SAMTOR: variants seen among roughly 807,000 people sequenced by gnomAD.
The protein encoded by SAMTOR is UPF0532 protein C7orf60.
chr7:112,838,832 G>A, the SAMTOR span, among the ~76,000 whole-genome samples: 7 of 151,778 alleles, frequency 4.6e-5, no homozygotes, highest in Admixed American at 1.3e-4. Flanking sequence ...ATTATTTTGT[G>A]TGTCTTGAAG....
the SAMTOR span, among the ~76,000 whole-genome samples, chr7:112,858,925 A>G: frequency 1.3e-5 from 2 of 152,234 alleles, no homozygotes. Flanking sequence ...CATAGTACCT[A>G]GATATTTGAT....
chr7:112,921,154 A>C, the SAMTOR span, among the ~76,000 whole-genome samples: 2 of 152,200 alleles, frequency 1.3e-5, no homozygotes, highest in Non-Finnish European at 2.9e-5. Context: ...CCCTAAGCCA[A>C]AAGAACAAAG....
chr7:112,879,010 G>C, the SAMTOR span, among the ~76,000 whole-genome samples: 1 of 151,900 alleles, frequency 6.6e-6, no homozygotes, highest in African/African-American at 2.4e-5. Context: ...AACAGCGGAA[G>C]GGGTCAAAAA....
chr7:112,911,013 G>A, the SAMTOR span, among the ~76,000 whole-genome samples: 3 of 152,132 alleles, frequency 2.0e-5, no homozygotes, highest in African/African-American at 7.2e-5. Context: ...AGGCACTGGG[G>A]AATTTGCTGA....
the SAMTOR span, among the ~76,000 whole-genome samples, chr7:112,937,410 A>G: frequency 4.6e-5 from 7 of 152,316 alleles, no homozygotes; most frequent in Non-Finnish European, 1.0e-4. Context: ...TCAGATTACA[A>G]TAACAGCTGA....
At chr7:112,847,222 G>T in the SAMTOR span, among the ~76,000 whole-genome samples, 1 of 152,126 alleles carries the variant, frequency 6.6e-6, no homozygotes, top group African/African-American at 2.4e-5. Flanking sequence ...TAGATATCTG[G>T]ATTTCAAAAA....
chr7:112,875,290 C>G, the SAMTOR span, among the ~76,000 whole-genome samples: 2 of 152,084 alleles, frequency 1.3e-5, no homozygotes, highest in Admixed American at 1.3e-4. Context: ...GTGATCAAAC[C>G]CACGGGTTGT....
chr7:112,820,694 C>CAAAG, the SAMTOR span: 3 of 151,964 alleles, frequency 2.0e-5, no homozygotes, highest in Non-Finnish European at 4.4e-5. Context: ...TTGATATATT[C>CAAAG]AAAGAAAATT....
chr7:112,913,069 T>C, the SAMTOR span, among the ~76,000 whole-genome samples: 1 of 152,358 alleles, frequency 6.6e-6, no homozygotes, highest in Admixed American at 6.5e-5. Context: ...TTCAGTAGTA[T>C]GCCTCATTTT....
At chr7:112,905,927 A>G in the SAMTOR span, among the ~76,000 whole-genome samples, 3 of 152,188 alleles carry the variant, frequency 2.0e-5, no homozygotes, top group African/African-American at 7.2e-5. Context: ...GGAAGAAATA[A>G]AACTTTGTGT....
At chr7:112,856,349 A>C in the SAMTOR span, among the ~76,000 whole-genome samples, 1 of 150,848 alleles carries the variant, frequency 6.6e-6, no homozygotes, top group African/African-American at 2.4e-5. Context: ...TCCCAGGTTC[A>C]AGCAGTTGTC....
chr7:112,938,422 A>C, the SAMTOR span, among the ~76,000 whole-genome samples: 1 of 152,248 alleles, frequency 6.6e-6, no homozygotes, highest in Admixed American at 6.5e-5. Flanking sequence ...AACTACATTC[A>C]AAAGAACAAA....
chr7:112,913,622 A>G, the SAMTOR span, among the ~76,000 whole-genome samples: 1 of 152,150 alleles, frequency 6.6e-6, no homozygotes, highest in East Asian at 1.9e-4. Context: ...GTAAAAATCA[A>G]TGTCTTAAAA....
the SAMTOR span, among the ~76,000 whole-genome samples, chr7:112,883,178 T>A: frequency 6.6e-6 from 1 of 152,210 alleles, no homozygotes; most frequent in Non-Finnish European, 1.5e-5. Flanking sequence ...TGTTTTGTAC[T>A]CTTTCCTTTG....
chr7:112,903,026 C>T, the SAMTOR span, among the ~76,000 whole-genome samples: 1,628 of 152,056 alleles, frequency 0.011, 30 homozygotes, highest in African/African-American at 0.037. Flanking sequence ...AAAAAATGGC[C>T]GCATAGGCCA....
chr7:112,872,907 T>A, the SAMTOR span, among the ~76,000 whole-genome samples: 2 of 151,736 alleles, frequency 1.3e-5, no homozygotes, highest in Non-Finnish European at 2.9e-5. Context: ...AAATCAAGAA[T>A]GCAGTCCCCT....
At chr7:112,930,551 GAA>G in the SAMTOR span, among the ~76,000 whole-genome samples, 3 of 148,540 alleles carry the variant, frequency 2.0e-5, no homozygotes, top group South Asian at 2.1e-4. Context: ...AGAAGAAAAA[GAA>G]AAAGTCATTT....
the SAMTOR span, among the ~76,000 whole-genome samples, chr7:112,893,296 G>T: frequency 6.6e-6 from 1 of 152,208 alleles, no homozygotes; most frequent in African/African-American, 2.4e-5. Context: ...GTTTACTGTA[G>T]CCACTTTCAT....
At chr7:112,922,234 A>C in the SAMTOR span, among the ~76,000 whole-genome samples, 10 of 152,214 alleles carry the variant, frequency 6.6e-5, no homozygotes, top group African/African-American at 2.4e-4. Context: ...CCGGGATTGC[A>C]GACGGAGTCT....
Sources: allele counts gnomAD v4.1 joint callset (sites outside exome capture counted in the v4.1 genomes callset), GRCh38; gene constraint gnomAD v4.1.1; transcripts MANE v1.5; gene names NCBI Gene and HGNC (gene_info 2026-07-23, HGNC 2026-07-21).